NTRK1: variants seen among roughly 807,000 people sequenced by gnomAD.
The protein encoded by NTRK1 is neurotrophic receptor tyrosine kinase 1, also known as high affinity nerve growth factor receptor.
NTRK1 carries 62 observed loss-of-function variants against 86.8 expected under a neutral mutation model. That is an observed-to-expected ratio of 0.71 (90% confidence interval 0.58 to 0.88). NTRK1 has a LOEUF of 0.88. NTRK1 is among the 40% of genes least tolerant of loss of function. The pLI is 0.00. For missense variants in NTRK1, 967 were observed against 1,078.4 expected (o/e 0.90, Z 1.45); for synonymous variants, 469 against 456.6 (o/e 1.03, Z -0.35).
At chr1:156,849,116 G>A (rs1655113653) in intron 2 of NTRK1, 6 of 1,597,278 alleles carry the variant, frequency 3.8e-6, no homozygotes, top group African/African-American at 1.3e-5. Flanking sequence ...CTGACCCCGC[G>A]GCATCCCATT....
chr1:156,877,809 G>A (rs1648011219), intron 14 of NTRK1, among the ~76,000 whole-genome samples: 1 of 152,204 alleles, frequency 6.6e-6, no homozygotes, highest in Non-Finnish European at 1.5e-5. Flanking sequence ...ATGCAGTCAG[G>A]CTGCAGGACT....
chr1:156,878,911 G>A lies in NTRK1; in HGVS notation c.1806-211G>A, dbSNP rs541700106. Among the ~76,000 whole-genome samples the A allele has an allele frequency of 5.9e-5, 9 of 152,286 alleles. No homozygotes were observed. The East Asian group carries it at 1.5e-3, about 26-fold the overall frequency. ...GAAGGCATGGATGTGGGAACCATGG[G>A]CTGTCTCTGGTGGGAGCCCTGGAGG... is the stretch of plus-strand genomic sequence containing the variant. On this transcript the variant is annotated intron_variant, in intron 14 of 16. Coordinates refer to ENST00000524377, the MANE Select transcript of NTRK1 (RefSeq NM_002529.4).
At chr1:156,844,152 G>A in intron 2 of NTRK1, 1 of 1,555,218 alleles carries the variant, frequency 6.4e-7, no homozygotes, top group Non-Finnish European at 8.9e-7. Flanking sequence ...AAGGGGGTGG[G>A]GACCGGTGGG....
chr1:156,867,092 T>A, intron 4 of NTRK1, 114 bp downstream of exon 4: 2 of 1,099,112 alleles, frequency 1.8e-6, no homozygotes, highest in Admixed American at 3.5e-5. Context: ...CTGGGGGGTC[T>A]CTTTGGGGAC....
chr1:156,876,753 G>C (rs1647949585), intron 14 of NTRK1, among the ~76,000 whole-genome samples, 181 bp downstream of exon 14: 1 of 152,194 alleles, frequency 6.6e-6, no homozygotes. Context: ...GTGAACATAG[G>C]GGTGACTCTT....
chr1:156,845,877 C>T, intron 2 of NTRK1: 1 of 1,598,622 alleles, frequency 6.3e-7, no homozygotes. Context: ...ATCCCCCCCA[C>T]CTGCCGGGGC....
intron 1 of NTRK1, chr1:156,840,746 T>G: frequency 2.7e-6 from 2 of 733,738 alleles, no homozygotes; most frequent in Non-Finnish European, 4.7e-6. Flanking sequence ...GCTCCTGTTC[T>G]CTGCCCCACC....
chr1:156,819,603 TC>T (rs1654127264), intron 1 of NTRK1, among the ~76,000 whole-genome samples: 1 of 152,018 alleles, frequency 6.6e-6, no homozygotes, highest in South Asian at 2.1e-4. Context: ...TCACTGCACC[TC>T]CGCCTCTCAG....
chr1:156,848,825 T>C (rs774665144), intron 2 of NTRK1: 1 of 1,441,316 alleles, frequency 6.9e-7, no homozygotes, highest in Non-Finnish European at 9.3e-7. Flanking sequence ...TGGGTCTTCA[T>C]AGCCTCGCTG....
chr1:156,866,515 C>T (rs1655937091), intron 3 of NTRK1, among the ~76,000 whole-genome samples: 3 of 152,164 alleles, frequency 2.0e-5, no homozygotes, highest in African/African-American at 4.8e-5. Context: ...CAACCCTCCC[C>T]CTCTTCCTCT....
At position 156,879,982 on chromosome 1, in the gene NTRK1, G is replaced by A. The variant is rs2102926924; in HGVS notation, c.2047-17G>A. 6.2e-7 allele frequency: 1 copy of A among 1,612,120 alleles called. No individual in the cohort carries two copies. The highest frequency in any genetic ancestry group is 1.3e-5 in the African/African-American group (1 of 75,014). The stretch of plus-strand genomic sequence containing the variant: ...CCCAGGCGCCCCTGGAATTGATGCA[G>A]TGTCCGCCCGTGGCAGGTGGGAGGC... On this transcript the variant is annotated splice_polypyrimidine_tract_variant and intron_variant, in intron 15 of 16. Transcript: ENST00000524377.
Position 156,873,721 on chromosome 1 carries a change from G to A in NTRK1, c.939G>A (p.Leu313=), listed in dbSNP as rs2102905148. 6.2e-7 allele frequency: 1 copy of A among 1,612,788 alleles called. No homozygotes were observed. The highest frequency in any genetic ancestry group is 8.5e-7 in the Non-Finnish European group (1 of 1,179,648). ...FSVDGQPAPS[L]RWLFNGSVLN... is the part of the protein sequence containing the mutation. ...TGGATGGGCAGCCGGCACCGTCTCTGCGCTGGCTCTTCAATGGCTCCGTGC... is the reference window on the plus strand; with the variant it reads ...TGGATGGGCAGCCGGCACCGTCTCTACGCTGGCTCTTCAATGGCTCCGTGC... Residue 313 remains leucine, a synonymous_variant, in exon 8 of 17, where the codon CTG becomes CTA. Coordinates refer to ENST00000524377, the MANE Select transcript of NTRK1 (RefSeq NM_002529.4).
At chr1:156,872,577 G>T (rs1213079083) in intron 7 of NTRK1, among the ~76,000 whole-genome samples, 1 of 151,166 alleles carries the variant, frequency 6.6e-6, no homozygotes. Flanking sequence ...GTATTCCTAT[G>T]TATGAATGCT....
At chr1:156,855,532 A>G (rs866595229) in intron 2 of NTRK1, among the ~76,000 whole-genome samples, 9 of 150,118 alleles carry the variant, frequency 6.0e-5, no homozygotes, top group Admixed American at 3.3e-4. Context: ...ATTGACTTCT[A>G]TTTTCACTGG....
chr1:156,829,609 C>A (rs546185764), intron 1 of NTRK1, among the ~76,000 whole-genome samples: 2 of 152,110 alleles, frequency 1.3e-5, no homozygotes, highest in African/African-American at 4.8e-5. Flanking sequence ...GAGGACTGCT[C>A]GCGCTCAAGT....
At chr1:156,841,836 G>A (rs759393495) in intron 1 of NTRK1, 5 of 1,613,916 alleles carry the variant, frequency 3.1e-6, no homozygotes, top group Admixed American at 1.7e-5. Flanking sequence ...TGGGGCATAA[G>A]AGCCACGCAC....
chr1:156,849,039 G>C, intron 2 of NTRK1: 1 of 1,613,208 alleles, frequency 6.2e-7, no homozygotes, highest in Non-Finnish European at 8.5e-7. Flanking sequence ...CGCAGGGTGC[G>C]AGTCTGGCCT....
At chr1:156,846,241 C>A in intron 2 of NTRK1, 1 of 1,054,412 alleles carries the variant, frequency 9.5e-7, no homozygotes. Flanking sequence ...GTGATCCTCA[C>A]CCCTGGCTTC....
chr1:156,841,139 G>C (rs1055784797), intron 1 of NTRK1: 3 of 1,481,996 alleles, frequency 2.0e-6, no homozygotes, highest in African/African-American at 1.4e-5. Flanking sequence ...AGAGGCATCC[G>C]GGAGCCCCTG....
Sources: gnomAD v4.1 joint callset for allele counts (sites outside exome capture counted in the v4.1 genomes callset) on GRCh38, gnomAD v4.1.1 for gene constraint, MANE v1.5 for transcripts, NCBI Gene and HGNC (gene_info 2026-07-23, HGNC 2026-07-21) for gene names.